PHLDB2: variants seen among roughly 807,000 people sequenced by gnomAD.
The protein encoded by PHLDB2 is pleckstrin homology-like domain family B member 2.
In PHLDB2, 71 loss-of-function variants were observed where a neutral mutation model predicts 123.6. That is an observed-to-expected ratio of 0.57 (90% CI 0.47 to 0.70). PHLDB2 has a LOEUF of 0.70. PHLDB2 is among the 30% of genes least tolerant of loss of function. PHLDB2 has a pLI of 0.00. For missense variants in PHLDB2, 1,446 were observed against 1,519.5 expected (o/e 0.95, Z 0.80); for synonymous variants, 547 against 541.6 (o/e 1.01, Z -0.14).
At position 111,884,352 on chromosome 3, in the gene PHLDB2, A is replaced by G. The variant is rs2107332277; in HGVS notation, c.275A>G (p.Lys92Arg). 6.2e-7 allele frequency: 1 copy of G among 1,614,182 alleles called. No homozygotes were observed. Among genetic ancestry groups the G allele is most frequent in the East Asian group, 2.2e-5 (1 of 44,886 alleles). The change falls in exon 2 of 18, where the codon AAG becomes AGG. Residue 92 changes from lysine (K) to arginine (R), a missense_variant. Coordinates refer to ENST00000431670, the MANE Select transcript of PHLDB2 (RefSeq NM_001134438.2). ...SPSLAKIQGS[K>R]QFSYDGTDKN... ...TCCTTAGCCAAAATCCAGGGAAGCA[A>G]GCAGTTCTCTTATGATGGAACTGAC...
chr3:111,874,962 A>T (rs771542652), intron 1 of PHLDB2, among the ~76,000 whole-genome samples: 2 of 152,192 alleles, frequency 1.3e-5, no homozygotes, highest in South Asian at 4.1e-4. Flanking sequence ...TTCAGCAAAC[A>T]TCTAGAGACT....
intron 1 of PHLDB2, among the ~76,000 whole-genome samples, chr3:111,821,911 T>C (rs939140739): frequency 2.0e-5 from 3 of 152,228 alleles, no homozygotes; most frequent in Admixed American, 1.3e-4. Context: ...CAGGCTCTAA[T>C]GGTCTAATGG....
intron 1 of PHLDB2, among the ~76,000 whole-genome samples, chr3:111,836,331 C>A (rs1214112020): frequency 1.3e-5 from 2 of 152,076 alleles, no homozygotes; most frequent in Non-Finnish European, 2.9e-5. Context: ...TAAGTGCTCA[C>A]AGTTGTCATA....
intron 5 of PHLDB2, among the ~76,000 whole-genome samples, chr3:111,926,697 G>A (rs2107551645): frequency 6.6e-6 from 1 of 152,168 alleles, no homozygotes; most frequent in Middle Eastern, 3.4e-3. Flanking sequence ...CCTCTTCAGA[G>A]GCAGAGAATG....
intron 1 of PHLDB2, among the ~76,000 whole-genome samples, chr3:111,779,220 C>T (rs934300663): frequency 2.0e-5 from 3 of 151,372 alleles, no homozygotes; most frequent in African/African-American, 7.3e-5. Flanking sequence ...CTTATTATAA[C>T]CTTTCAGGTT....
At chr3:111,735,160 A>T (rs1941643621) in intron 1 of PHLDB2, among the ~76,000 whole-genome samples, 1 of 152,172 alleles carries the variant, frequency 6.6e-6, no homozygotes, top group South Asian at 2.1e-4. Context: ...GAACTCAAGA[A>T]TTTACTATCT....
intron 1 of PHLDB2, among the ~76,000 whole-genome samples, chr3:111,829,858 CT>C (rs373958177): frequency 2.0e-5 from 3 of 150,610 alleles, no homozygotes; most frequent in South Asian, 2.1e-4. Context: ...ACTCACAATA[CT>C]TTTTTTTGTT....
Position 111,885,250 on chromosome 3 carries a change from T to A in PHLDB2, c.1173T>A (p.Asp391Glu). ...TCTCTTGTGGATCTGTGGAATTTGA[T>A]GAGGCAGATTTGGAAAGCCTCAGAC... ...RNFSCGSVEF[D>E]EADLESLRQA... The change falls in exon 2 of 18, where the codon GAT (aspartate) becomes GAA (glutamate). Residue 391 changes from aspartate (D) to glutamate (E), a missense_variant. Transcript: ENST00000431670. The A allele has an allele frequency of 1.2e-6, 2 of 1,614,174 alleles. No homozygotes were observed. The highest frequency in any genetic ancestry group is 1.7e-6 in the Non-Finnish European group (2 of 1,180,034).
At chr3:111,908,748 T>C (rs1291872547) in intron 2 of PHLDB2, among the ~76,000 whole-genome samples, 1 of 152,192 alleles carries the variant, frequency 6.6e-6, no homozygotes, top group African/African-American at 2.4e-5. Flanking sequence ...AGGATTTATC[T>C]CTAAAACAGA....
chr3:111,933,116 T>C (rs2069238609), intron 6 of PHLDB2, among the ~76,000 whole-genome samples: 1 of 152,238 alleles, frequency 6.6e-6, no homozygotes, highest in Non-Finnish European at 1.5e-5. Context: ...TCACAAACAC[T>C]GGCACAGCCA....
At chr3:111,805,163 A>C (rs984880073) in intron 1 of PHLDB2, among the ~76,000 whole-genome samples, 14 of 152,226 alleles carry the variant, frequency 9.2e-5, no homozygotes, top group African/African-American at 2.4e-4. Flanking sequence ...ATGAAACATA[A>C]GTCCACAAAA....
At chr3:111,958,219 C>T (rs2107653700) in intron 12 of PHLDB2, 2 of 960,870 alleles carry the variant, frequency 2.1e-6, no homozygotes, top group Non-Finnish European at 2.5e-6. Context: ...ATCATTCTCC[C>T]TCTTCATTCC....
chr3:111,919,692 G>A (rs1272537815), intron 4 of PHLDB2, among the ~76,000 whole-genome samples: 2 of 152,218 alleles, frequency 1.3e-5, no homozygotes, highest in Non-Finnish European at 2.9e-5. Flanking sequence ...AACACATATT[G>A]CATAACCACA....
At chr3:111,772,574 C>G (rs1451438097) in intron 1 of PHLDB2, among the ~76,000 whole-genome samples, 1 of 152,170 alleles carries the variant, frequency 6.6e-6, no homozygotes, top group Admixed American at 6.6e-5. Context: ...CCCTGCCTGG[C>G]TAGATTCTGG....
At chr3:111,821,871 G>A (rs1211210523) in intron 1 of PHLDB2, among the ~76,000 whole-genome samples, 1 of 152,178 alleles carries the variant, frequency 6.6e-6, no homozygotes, top group East Asian at 1.9e-4. Flanking sequence ...ACCTACCCAG[G>A]AAAATACCAG....
At chr3:111,792,822 C>T (rs1041222478) in intron 1 of PHLDB2, among the ~76,000 whole-genome samples, 6 of 152,176 alleles carry the variant, frequency 3.9e-5, no homozygotes, top group African/African-American at 1.4e-4. Context: ...CAAATGCATG[C>T]CATGGGTATG....
At chr3:111,947,238 T>C (rs2070371339) in intron 9 of PHLDB2, among the ~76,000 whole-genome samples, 1 of 152,214 alleles carries the variant, frequency 6.6e-6, no homozygotes, top group South Asian at 2.1e-4. Flanking sequence ...AGTCTTTCCT[T>C]TTCTGTTAAT....
intron 2 of PHLDB2, among the ~76,000 whole-genome samples, chr3:111,911,956 T>A (rs1475741184): frequency 6.6e-6 from 1 of 152,236 alleles, no homozygotes; most frequent in African/African-American, 2.4e-5. Flanking sequence ...AATTGTCTTG[T>A]AAAGTTTGTC....
In PHLDB2 at chr3:111,884,247, G is replaced by T. The variant is rs755714250; in HGVS notation, c.170G>T (p.Gly57Val). 7 of 1,613,840 alleles carry T rather than the reference G, an allele frequency of 4.3e-6. No individual in the cohort carries two copies. Among genetic ancestry groups the T allele is most frequent in the African/African-American group, 2.7e-5 (2 of 74,902 alleles). Residue 57 changes from glycine to valine, a missense_variant, in exon 2 of 18, where the codon GGC (glycine) becomes GTC (valine). Physicochemically the swap from Gly to Val is moderately radical, Grantham distance 109. Transcript: ENST00000431670. ...TTTAAAGCCAATGGAGACTATTCTGGCTCCTATTTAACCCTCTCACAACCT... is the reference window on the plus strand; with the variant it reads ...TTTAAAGCCAATGGAGACTATTCTGTCTCCTATTTAACCCTCTCACAACCT... ...LRFKANGDYS[G>V]SYLTLSQPVP... is the part of the protein sequence containing the mutation.
Sources: gnomAD v4.1 joint callset for allele counts (sites outside exome capture counted in the v4.1 genomes callset) on GRCh38, gnomAD v4.1.1 for gene constraint, MANE v1.5 for transcripts, NCBI Gene and HGNC (gene_info 2026-07-23, HGNC 2026-07-21) for gene names.